The following AK7 variants were observed in gnomAD, a reference collection of about 807,000 sequenced individuals.
The protein encoded by AK7 is ATP-AMP transphosphorylase 7.
Under a neutral mutation model 96.6 loss-of-function variants are expected in AK7, and 78 were observed. The observed-to-expected ratio is 0.81, with a 90% CI of 0.67 to 0.97. AK7 has a LOEUF of 0.97. Ranked by LOEUF, AK7 falls within the 50% of genes least tolerant of loss-of-function variation. AK7 has a pLI of 0.00. For missense variants in AK7, 855 were observed against 887.9 expected (o/e 0.96, Z 0.47); for synonymous variants, 302 against 317.2 (o/e 0.95, Z 0.51).
At chr14:96,412,723 T>C (rs1891111229) in intron 4 of AK7, among the ~76,000 whole-genome samples, 1 of 150,974 alleles carries the variant, frequency 6.6e-6, no homozygotes, top group Non-Finnish European at 1.5e-5. Flanking sequence ...ATGCTACCAC[T>C]CCTGTCTAAT....
At chr14:96,485,859 G>C (rs1213425248) in intron 16 of AK7, among the ~76,000 whole-genome samples, 1 of 145,862 alleles carries the variant, frequency 6.9e-6, no homozygotes, top group African/African-American at 2.6e-5. Flanking sequence ...GCAGTGTTAC[G>C]ATCTCGGCTC....
At chr14:96,461,594 T>G (rs904493032) in intron 12 of AK7, among the ~76,000 whole-genome samples, 9 of 152,096 alleles carry the variant, frequency 5.9e-5, no homozygotes, top group African/African-American at 1.9e-4. Flanking sequence ...ATTTATTTAT[T>G]TATTTATTTA....
rs775864404 is a variant in AK7 at position 96,488,376 on chromosome 14, A to G, written c.*33A>G. On this transcript the variant is annotated 3_prime_UTR_variant, in exon 18 of 18. Coordinates refer to ENST00000267584, the MANE Select transcript of AK7 (RefSeq NM_152327.5). The stretch of plus-strand genomic sequence containing the variant: ...AAGATCTGGTATTATCTACCTTTAC[A>G]GAACCACAGATCACTTATTATACTT... 8.2e-6 allele frequency: 13 copies of G among 1,593,222 alleles called. No individual in the cohort carries two copies. In the Admixed American group the frequency reaches 2.0e-4, roughly 25 times the overall value.
chr14:96,444,338 C>A (rs1306049819), intron 7 of AK7, among the ~76,000 whole-genome samples: 2 of 152,138 alleles, frequency 1.3e-5, no homozygotes, highest in African/African-American at 4.8e-5. Context: ...ATTAATATAA[C>A]TTACTTGGCA....
intron 16 of AK7, among the ~76,000 whole-genome samples, 161 bp from the exon 17 acceptor site, chr14:96,486,737 G>C (rs1368587062): frequency 2.0e-5 from 3 of 150,254 alleles, no homozygotes; most frequent in Non-Finnish European, 3.0e-5. Context: ...CTAAGTTGTT[G>C]TAACACCATT....
intron 5 of AK7, among the ~76,000 whole-genome samples, chr14:96,434,422 G>GTCTCTCTCTCTC (rs3077780): frequency 2.2e-3 from 332 of 149,434 alleles, no homozygotes; most frequent in African/African-American, 7.0e-3. Context: ...CTGTCTGTCT[G>GTCTCTCTCTCTC]TCTCTCTCTC....
In AK7 at chr14:96,470,486, G is replaced by T. The variant is rs547203842; in HGVS notation, c.1358-992G>T. Among the ~76,000 whole-genome samples the T allele has an allele frequency of 7.2e-5, 11 of 152,236 alleles. No individual in the cohort carries two copies. The South Asian group carries it at 2.1e-3, about 29-fold the overall frequency. ...TTATGATGGAGTGATGGATATTGTG[G>T]TGGAGTTGCATCATGTTGTTATTAA... On this transcript the variant is annotated intron_variant, in intron 12 of 17. Transcript: ENST00000267584.
At chr14:96,442,905 G>A in intron 7 of AK7, 87 bp downstream of exon 7, 1 of 1,170,672 alleles carries the variant, frequency 8.5e-7, no homozygotes, top group Non-Finnish European at 1.3e-6. Context: ...TTTGCCTAGT[G>A]CTAAGACCCT....
chr14:96,478,224 G>A (rs979290356), intron 14 of AK7, among the ~76,000 whole-genome samples: 1 of 150,220 alleles, frequency 6.7e-6, no homozygotes, highest in Admixed American at 6.7e-5. Flanking sequence ...AGAGAGGGAG[G>A]GGGGAAGAAA....
intron 5 of AK7, among the ~76,000 whole-genome samples, chr14:96,424,936 A>G (rs920440160): frequency 1.3e-5 from 2 of 152,254 alleles, no homozygotes; most frequent in Admixed American, 1.3e-4. Flanking sequence ...GTCTAAAATG[A>G]GAAATATGAT....
intron 3 of AK7, 31 bp downstream of exon 3, chr14:96,404,896 G>A: frequency 6.6e-7 from 1 of 1,519,416 alleles, no homozygotes; most frequent in East Asian, 2.3e-5. Flanking sequence ...TATCTCCAGG[G>A]ATGCTATTGT....
chr14:96,479,670 C>A (rs1895406270), intron 15 of AK7, among the ~76,000 whole-genome samples: 1 of 152,226 alleles, frequency 6.6e-6, no homozygotes, highest in Non-Finnish European at 1.5e-5. Context: ...TCACCATTAT[C>A]ATTCCTGGCT....
intron 6 of AK7, among the ~76,000 whole-genome samples, chr14:96,438,257 A>G (rs1421205566): frequency 6.6e-6 from 1 of 152,196 alleles, no homozygotes; most frequent in Non-Finnish European, 1.5e-5. Context: ...GGGATGGAGA[A>G]AGAGATAGAT....
Position 96,447,204 on chromosome 14 carries a change from C to T in AK7, c.870+597C>T, listed in dbSNP as rs1265776725. On this transcript the variant is annotated intron_variant, in intron 8 of 17. Transcript: ENST00000267584. Reference sequence around the variant, plus strand: ...CCCAGACACACACGCAGATGACACACCAGAATACGAAAATCCGCCAATAGG... The same window carrying T: ...CCCAGACACACACGCAGATGACACATCAGAATACGAAAATCCGCCAATAGG... 2.0e-5 allele frequency among the ~76,000 whole-genome samples: 3 copies of T among 152,170 alleles called. No homozygotes were observed. In the East Asian group the frequency reaches 5.8e-4, roughly 29 times the overall value.
At chr14:96,476,505 CAAAAA>C (rs34683106) in intron 14 of AK7, among the ~76,000 whole-genome samples, 10 of 87,346 alleles carry the variant, frequency 1.1e-4, no homozygotes, top group Non-Finnish European at 1.7e-4. Context: ...GACTTTGTCT[CAAAAA>C]AAAAAAAAAA....
intron 1 of AK7, among the ~76,000 whole-genome samples, chr14:96,394,066 A>C (rs1889914112): frequency 6.6e-6 from 1 of 151,522 alleles, no homozygotes; most frequent in Non-Finnish European, 1.5e-5. Flanking sequence ...CCGAGATTGC[A>C]CCACTTCGCT....
In AK7 at chr14:96,456,393, G is replaced by A. The variant is rs1410742638; in HGVS notation, c.1145G>A (p.Ser382Asn). Residue 382 changes from serine (S) to asparagine (N), a missense_variant, in exon 11 of 18, where the codon AGT becomes AAT. Coordinates refer to ENST00000267584, the MANE Select transcript of AK7 (RefSeq NM_152327.5). ...GGTCCCCCTGCTGTGGGAAAATCCA[G>A]TATTGCTAAAGAATTGGCCAACTAC... Reference protein sequence around the residue: ...ILGPPAVGKSSIAKELANYYK... With the variant: ...ILGPPAVGKSNIAKELANYYK... The A allele has an allele frequency of 6.2e-7, 1 of 1,613,918 alleles. No individual in the cohort carries two copies. Among genetic ancestry groups the A allele is most frequent in the Non-Finnish European group, 8.5e-7 (1 of 1,179,872 alleles).
intron 1 of AK7, among the ~76,000 whole-genome samples, chr14:96,394,576 C>T (rs1889946969): frequency 1.3e-5 from 2 of 152,194 alleles, no homozygotes; most frequent in Non-Finnish European, 2.9e-5. Flanking sequence ...GAGGCCAGCA[C>T]AGAGGGCCAG....
At chr14:96,396,912 C>T (rs6575583) in intron 1 of AK7, among the ~76,000 whole-genome samples, 9,116 of 152,194 alleles carry the variant, frequency 0.06, 330 homozygotes, top group South Asian at 0.1. Flanking sequence ...AACAGCAATA[C>T]CCCATTTCTA....
Sources: allele counts gnomAD v4.1 joint callset (sites outside exome capture counted in the v4.1 genomes callset), GRCh38; gene constraint gnomAD v4.1.1; transcripts MANE v1.5; gene names NCBI Gene and HGNC (gene_info 2026-07-23, HGNC 2026-07-21).